Variants in CHD1 observed in about 807,000 individuals in gnomAD.
The protein encoded by CHD1 is chromodomain helicase DNA binding protein 1.
CHD1 carries 36 observed loss-of-function variants against 224.2 expected under a neutral mutation model. That is an observed-to-expected ratio of 0.16 (90% CI 0.12 to 0.21). The LOEUF (loss-of-function observed/expected upper bound fraction) is 0.21. Ranked by LOEUF, CHD1 falls within the 10% of genes least tolerant of loss-of-function variation. CHD1 has a pLI of 1.00. For synonymous variants in CHD1, 668 were observed against 658.3 expected, an observed-to-expected ratio of 1.01 and a Z score of -0.23; for missense variants, 1,378 against 1,994.8, an observed-to-expected ratio of 0.69 and a Z score of 5.89.
intron 3 of CHD1, 38 bp downstream of exon 3, chr5:98,904,859 C>A (rs760243069): frequency 1.3e-6 from 2 of 1,592,378 alleles, no homozygotes; most frequent in South Asian, 1.1e-5. Context: ...CAAAGTAATA[C>A]AAGCAATCTA....
chr5:98,919,842 G>T (rs1321291155), intron 2 of CHD1, among the ~76,000 whole-genome samples: 1 of 152,098 alleles, frequency 6.6e-6, no homozygotes, highest in Non-Finnish European at 1.5e-5. Context: ...TCACTGAGAG[G>T]AAATAAAAGC....
At chr5:98,910,997 C>G (rs1383845969) in intron 2 of CHD1, among the ~76,000 whole-genome samples, 1 of 151,162 alleles carries the variant, frequency 6.6e-6, no homozygotes, top group Non-Finnish European at 1.5e-5. Flanking sequence ...TTACAATCAC[C>G]TAGCACCTAG....
intron 13 of CHD1, among the ~76,000 whole-genome samples, chr5:98,894,218 C>T (rs1022594644): frequency 1.3e-5 from 2 of 152,246 alleles, no homozygotes; most frequent in African/African-American, 4.8e-5. Context: ...AAAGCCTTCA[C>T]TGCTTCACAC....
chr5:98,894,632 A>T lies in CHD1; in HGVS notation c.1765T>A (p.Leu589Met). 6.9e-7 allele frequency: 1 copy of T among 1,456,992 alleles called. No individual in the cohort carries two copies. The highest frequency in any genetic ancestry group is 9.4e-7 in the Non-Finnish European group (1 of 1,058,746). 90.3% of individuals were successfully genotyped at this position (1,456,992 alleles called of 1,614,324 possible). A position where few individuals can be genotyped will look rare whatever the true frequency, so the allele number is the denominator to read the frequency against. ...AATAAAATTTCATAAGTTGTTAACA[A>T]TATATTAAATTTTAACCGTTTGGTC... Reference protein sequence around the residue: ...HQTKRLKFNILLTTYEILLKD... With the variant: ...HQTKRLKFNIMLTTYEILLKD... The change falls in exon 13 of 36, where the codon TTG (leucine) becomes ATG (methionine). Residue 589 changes from leucine to methionine, a missense_variant. Leu to Met is a conservative substitution (Grantham distance 15, BLOSUM62 2). Coordinates refer to ENST00000614616, the MANE Select transcript of CHD1 (RefSeq NM_001270.4).
Position 98,896,268 on chromosome 5 carries a change from C to T in CHD1, c.1668G>A (p.Met556Ile). 1 of 1,614,120 alleles carries T rather than the reference C, an allele frequency of 6.2e-7. No individual in the cohort carries two copies. The highest frequency in any genetic ancestry group is 8.5e-7 in the Non-Finnish European group (1 of 1,179,982). The change falls in exon 12 of 36, where the codon ATG (methionine) becomes ATA (isoleucine). Residue 556 changes from methionine to isoleucine, a missense_variant. Met to Ile is a conservative substitution (Grantham distance 10). Transcript: ENST00000614616. ...QREIQTWASQMNAVVYLGDIN... is the reference protein window; with the variant it reads ...QREIQTWASQINAVVYLGDIN... ...TGTCACCTAAATAAACCACAGCATT[C>T]ATTTGAGAAGCCCAAGTCTGAATTT... is the stretch of plus-strand genomic sequence containing the variant.
At chr5:98,888,937 T>A (rs1161878057) in intron 16 of CHD1, 139 bp downstream of exon 16, 1 of 480,012 alleles carries the variant, frequency 2.1e-6, no homozygotes, top group Non-Finnish European at 3.6e-6. Context: ...GATTAATAAC[T>A]GAGACCATTA....
At chr5:98,874,993 C>T in intron 25 of CHD1, 79 bp downstream of exon 25, 1 of 752,010 alleles carries the variant, frequency 1.3e-6, no homozygotes, top group South Asian at 1.7e-5. Flanking sequence ...AGTAGCTAAA[C>T]TGAATGTTAA....
At chr5:98,918,928 A>G (rs1752921982) in intron 2 of CHD1, among the ~76,000 whole-genome samples, 1 of 151,960 alleles carries the variant, frequency 6.6e-6, no homozygotes, top group Non-Finnish European at 1.5e-5. Context: ...TCTACCCTCC[A>G]TTTTCTTTTT....
chr5:98,858,419 G>A (rs1230952035), intron 34 of CHD1, 29 bp from the exon 35 acceptor site: 2 of 1,563,564 alleles, frequency 1.3e-6, no homozygotes, highest in Admixed American at 1.7e-5. Context: ...TTTTATTAAT[G>A]ACCTTAAAAA....
At position 98,872,603 on chromosome 5, in the gene CHD1, A is replaced by G. The variant is rs199542128; in HGVS notation, c.3572-48T>C. The G allele has an allele frequency of 6.1e-5, 92 of 1,516,688 alleles. No individual in the cohort carries two copies. The East Asian group carries it at 2.1e-3, about 34-fold the overall frequency. The allele number at this position is 1,516,688 out of a possible 1,614,324, so 94.0% of individuals were successfully genotyped here. A position where few individuals can be genotyped will look rare whatever the true frequency, so the allele number is the denominator to read the frequency against. ...AGTATTTTTAAAAGTATAAAACATAATTCTACAAAACACCAAGCAACTGAT... is the reference window on the plus strand; with the variant it reads ...AGTATTTTTAAAAGTATAAAACATAGTTCTACAAAACACCAAGCAACTGAT... On this transcript the variant is annotated intron_variant, in intron 26 of 35. Coordinates refer to ENST00000614616, the MANE Select transcript of CHD1 (RefSeq NM_001270.4).
chr5:98,917,182 T>C (rs560151840), intron 2 of CHD1, among the ~76,000 whole-genome samples: 14 of 152,128 alleles, frequency 9.2e-5, no homozygotes, highest in African/African-American at 3.1e-4. Flanking sequence ...CACTCTGCTT[T>C]TTGCTTAAGC....
Position 98,903,928 on chromosome 5 carries a change from C to T in CHD1, c.256-20G>A, listed in dbSNP as rs768706414. On this transcript the variant is annotated intron_variant, in intron 3 of 35. Coordinates refer to ENST00000614616, the MANE Select transcript of CHD1 (RefSeq NM_001270.4). Reference sequence around the variant, plus strand: ...CCAAAACTATAATAGAAATATAAACCAGTGAATGAAGAAGTATTAAGAAAA... The same window carrying T: ...CCAAAACTATAATAGAAATATAAACTAGTGAATGAAGAAGTATTAAGAAAA... 3 of 1,468,950 alleles carry T rather than the reference C, an allele frequency of 2.0e-6. No homozygotes were observed. The highest frequency in any genetic ancestry group is 2.4e-5 in the South Asian group (2 of 83,902). The allele number at this position is 1,468,950 out of a possible 1,614,324, so 91.0% of individuals were successfully genotyped here. A position where few individuals can be genotyped will look rare whatever the true frequency, so the allele number is the denominator to read the frequency against.
rs543603436 is a variant in CHD1 at position 98,904,579 on chromosome 5, T to C, written c.255+318A>G. On this transcript the variant is annotated intron_variant, in intron 3 of 35. Transcript: ENST00000614616. ...ATCATAACACGGTAAGGTTAACAAGTAGACCTCACAATGTCTTAAATTTGT... is the reference window on the plus strand; with the variant it reads ...ATCATAACACGGTAAGGTTAACAAGCAGACCTCACAATGTCTTAAATTTGT... 3.9e-5 allele frequency among the ~76,000 whole-genome samples: 6 copies of C among 152,338 alleles called. No homozygotes were observed. The East Asian group carries it at 7.7e-4, about 20-fold the overall frequency.
At chr5:98,919,751 A>G (rs57067659) in intron 2 of CHD1, among the ~76,000 whole-genome samples, 2,067 of 152,312 alleles carry the variant, frequency 0.014, 48 homozygotes, top group African/African-American at 0.048. Flanking sequence ...ATGTATACAG[A>G]CGTAAGGATA....
rs78479919 is a variant in CHD1 at position 98,886,077 on chromosome 5, G to C, written c.2497-428C>G. The stretch of plus-strand genomic sequence containing the variant: ...GTTACAATTCAGTTTTAAAAACACT[G>C]ATTAAGTCCAGCGTGGTTACTAGAA... On this transcript the variant is annotated intron_variant, in intron 17 of 35. Coordinates refer to ENST00000614616, the MANE Select transcript of CHD1 (RefSeq NM_001270.4). 4.4e-3 allele frequency: 690 copies of C among 155,702 alleles called. 14 individuals carry two copies. The East Asian group carries it at 0.06, about 14-fold the overall frequency. The allele number at this position is 155,702 out of a possible 1,614,324, so 9.6% of individuals were successfully genotyped here.
intron 3 of CHD1, 61 bp from the exon 4 acceptor site, chr5:98,903,969 AATTT>A: frequency 2.0e-6 from 2 of 1,018,182 alleles, no homozygotes; most frequent in Non-Finnish European, 3.0e-6. Context: ...AAAAAAGGTT[AATTT>A]ATTGAAAAAC....
rs1747933074 is a variant in CHD1, at chr5:98,855,237, C to T, written c.*1143G>A. ...CTTAAATTTAATTTGTCATATATAA[C>T]GTTTTTATATACAATCAGTGTGCAT... is the stretch of plus-strand genomic sequence containing the variant. On this transcript the variant is annotated 3_prime_UTR_variant, in exon 36 of 36. Coordinates refer to ENST00000614616, the MANE Select transcript of CHD1 (RefSeq NM_001270.4). 2 of 152,416 alleles carry T rather than the reference C, an allele frequency of 1.3e-5. No homozygotes were observed. The highest frequency in any genetic ancestry group is 2.1e-4 in the South Asian group (1 of 4,824). 9.4% of individuals were successfully genotyped at this position (152,416 alleles called of 1,614,324 possible).
intron 28 of CHD1, 98 bp downstream of exon 28, chr5:98,871,953 T>G (rs1749384454): frequency 8.6e-7 from 1 of 1,158,438 alleles, no homozygotes; most frequent in South Asian, 1.7e-5. Flanking sequence ...GTGCCTTGGT[T>G]TCCAGATTTC....
chr5:98,891,992 G>A (rs756610445), intron 15 of CHD1, among the ~76,000 whole-genome samples: 4 of 152,112 alleles, frequency 2.6e-5, no homozygotes, highest in Non-Finnish European at 4.4e-5. Context: ...AAATGTTTCT[G>A]AAACTCCAAA....
Sources: allele counts gnomAD v4.1 joint callset (sites outside exome capture counted in the v4.1 genomes callset), GRCh38; gene constraint gnomAD v4.1.1; transcripts MANE v1.5; gene names NCBI Gene and HGNC (gene_info 2026-07-23, HGNC 2026-07-21).